The following SDK2 variants were observed in gnomAD, a reference collection of about 807,000 sequenced individuals.
SDK2 encodes protein sidekick-2.
SDK2 carries 105 observed loss-of-function variants against 253.9 expected under a neutral mutation model. The ratio of observed to expected loss-of-function variants is 0.41; its 90% CI spans 0.35 to 0.49. The LOEUF is 0.49. SDK2 is among the 20% of genes least tolerant of loss of function. The pLI is 0.06. For missense variants in SDK2, 2,608 were observed against 3,003.0 expected, an observed-to-expected ratio of 0.87 and a Z score of 3.07; for synonymous variants, 1,249 against 1,234.9, an observed-to-expected ratio of 1.01 and a Z score of -0.24.
Position 73,368,394 on chromosome 17 carries a change from C to T in SDK2, c.5167+13G>A, listed in dbSNP as rs372457326. ...CGACCTACCCCTCCCCTCCTCAGGG[C>T]CCCCTCTCCCACCTGCTTGCTGGGT... On this transcript the variant is annotated intron_variant, in intron 37 of 44. Transcript: ENST00000392650. The T allele has an allele frequency of 2.9e-5, 44 of 1,501,794 alleles. No homozygotes were observed. The African/African-American group carries it at 5.2e-4, about 18-fold the overall frequency. The allele number at this position is 1,501,794 out of a possible 1,614,324, so 93.0% of individuals were successfully genotyped here.
At chr17:73,394,771 C>T (rs1468645367) in intron 25 of SDK2, among the ~76,000 whole-genome samples, 2 of 152,166 alleles carry the variant, frequency 1.3e-5, no homozygotes, top group Non-Finnish European at 2.9e-5. Context: ...CAGGAGCTTC[C>T]GGTAGTGATT....
chr17:73,423,651 T>C, intron 13 of SDK2, 129 bp from the exon 14 acceptor site: 1 of 1,130,080 alleles, frequency 8.8e-7, no homozygotes, highest in Admixed American at 3.3e-5. Flanking sequence ...AATGTGGCCT[T>C]CGGGCCATCT....
In SDK2 at chr17:73,612,348, T is replaced by C. The variant is rs145814072; in HGVS notation, c.64+31677A>G. The stretch of plus-strand genomic sequence containing the variant: ...CGGGTCACTGTGACCCAGCTGCACC[T>C]GGGCTGCAGGCTGGCCCCGCACAGT... On this transcript the variant is annotated intron_variant, in intron 1 of 44. Transcript: ENST00000392650. The surrounding 1 kb of genome is among the most constrained non-coding windows in gnomAD (Gnocchi z 4.4). Among the ~76,000 whole-genome samples the C allele has an allele frequency of 4.4e-3, 665 of 150,300 alleles. 2 individuals carry two copies. Among genetic ancestry groups the C allele is most frequent in the African/African-American group, 0.015 (630 of 40,806 alleles).
rs565619716 is a variant in SDK2 at position 73,532,681 on chromosome 17, G to A, written c.65-25084C>T. ...AAGCCTGTTAATTAGGCCTGTAATG[G>A]CAGCTGCAAAGGGTACAACATTTCC... On this transcript the variant is annotated intron_variant, in intron 1 of 44. Coordinates refer to ENST00000392650, the MANE Select transcript of SDK2 (RefSeq NM_001144952.2). Among the ~76,000 whole-genome samples the A allele has an allele frequency of 4.6e-5, 7 of 152,322 alleles. 1 individual carries two copies. Among genetic ancestry groups the A allele is most frequent in the African/African-American group, 1.7e-4 (7 of 41,562 alleles).
intron 1 of SDK2, among the ~76,000 whole-genome samples, chr17:73,529,814 C>A (rs193103031): frequency 2.4e-4 from 37 of 152,300 alleles, no homozygotes; most frequent in African/African-American, 7.9e-4. Context: ...ACCCGCTGGG[C>A]TGACACCTTT....
intron 3 of SDK2, among the ~76,000 whole-genome samples, chr17:73,466,769 G>T (rs1185892080): frequency 6.9e-6 from 1 of 144,888 alleles, no homozygotes; most frequent in Non-Finnish European, 1.5e-5. Context: ...GGCTTCTTTG[G>T]GGGACAGTTC....
rs773150779 is a variant in SDK2 at position 73,414,779 on chromosome 17, G to A, written c.2369-20C>T. ...TGGGAACTAGAGGAGATGAGAGAACGGGGTGGGGTGGAGGGGGCCCAGTCA... is the reference window on the plus strand; with the variant it reads ...TGGGAACTAGAGGAGATGAGAGAACAGGGTGGGGTGGAGGGGGCCCAGTCA... On this transcript the variant is annotated intron_variant, in intron 17 of 44. Coordinates refer to ENST00000392650, the MANE Select transcript of SDK2 (RefSeq NM_001144952.2). The A allele has an allele frequency of 4.6e-6, 7 of 1,518,782 alleles. No homozygotes were observed. The highest frequency in any genetic ancestry group is 6.4e-6 in the Non-Finnish European group (7 of 1,093,906). 94.1% of individuals were successfully genotyped at this position (1,518,782 alleles called of 1,614,324 possible).
intron 1 of SDK2, among the ~76,000 whole-genome samples, chr17:73,610,013 C>T (rs1161165457): frequency 6.6e-6 from 1 of 152,184 alleles, no homozygotes; most frequent in Non-Finnish European, 1.5e-5. Flanking sequence ...GAAGCAGGGT[C>T]CCCCACAAAT....
At chr17:73,351,266 C>A (rs926851853) in intron 41 of SDK2, among the ~76,000 whole-genome samples, 6 of 152,116 alleles carry the variant, frequency 3.9e-5, no homozygotes, top group African/African-American at 1.4e-4. Flanking sequence ...CCTGCCACCA[C>A]ACCCGGCTAA....
intron 1 of SDK2, among the ~76,000 whole-genome samples, chr17:73,532,119 G>A (rs940657356): frequency 1.4e-4 from 21 of 152,206 alleles, no homozygotes; most frequent in South Asian, 4.1e-4. Context: ...GTTTTTGGTC[G>A]TCACAACTGG....
intron 39 of SDK2, among the ~76,000 whole-genome samples, chr17:73,358,986 G>T (rs1050991260): frequency 6.6e-6 from 1 of 152,122 alleles, no homozygotes; most frequent in Admixed American, 6.5e-5. Context: ...AGTGAGCCAG[G>T]TATCTGTCTG....
At chr17:73,442,632 C>T (rs545351476) in intron 5 of SDK2, among the ~76,000 whole-genome samples, 9 of 152,276 alleles carry the variant, frequency 5.9e-5, no homozygotes, top group East Asian at 1.9e-4. Flanking sequence ...TGAGCCACCA[C>T]GCCTGGCCAA....
chr17:73,543,003 C>T (rs2044894369), intron 1 of SDK2, among the ~76,000 whole-genome samples: 1 of 152,132 alleles, frequency 6.6e-6, no homozygotes, highest in Non-Finnish European at 1.5e-5. Context: ...AGTTCTAGGC[C>T]ACGCCCCCTC....
Position 73,384,009 on chromosome 17 carries a change from C to G in SDK2, c.4572G>C (p.Pro1524=). The G allele has an allele frequency of 6.2e-7, 1 of 1,613,372 alleles. No individual in the cohort carries two copies. The highest frequency in any genetic ancestry group is 8.5e-7 in the Non-Finnish European group (1 of 1,179,680). The change falls in exon 33 of 45, where the codon CCG becomes CCC. Residue 1524 remains proline (P), a splice_region_variant and synonymous_variant. Coordinates refer to ENST00000392650, the MANE Select transcript of SDK2 (RefSeq NM_001144952.2). ...TGCCATTGATCTTGTCCTCTGCTGG[C>G]GGCTGCAGGAAGGGAGTAGGGCATG... The part of the protein sequence containing the change: ...TTTSVLIRWQ[P]PAEDKINGIL...
chr17:73,477,999 A>G (rs1409881090), intron 2 of SDK2, among the ~76,000 whole-genome samples: 1 of 152,214 alleles, frequency 6.6e-6, no homozygotes, highest in Non-Finnish European at 1.5e-5. Context: ...TAGGAAATAT[A>G]TTCACAATTC....
chr17:73,409,466 T>TAAA (rs35846421), intron 18 of SDK2, among the ~76,000 whole-genome samples: 3,993 of 148,358 alleles, frequency 0.027, 127 homozygotes, highest in East Asian at 0.093. Context: ...GACTCTGTCT[T>TAAA]AAAAAAAAAA....
At chr17:73,553,040 T>TGCAGCGTCACGCTGC (rs1448354379) in intron 1 of SDK2, among the ~76,000 whole-genome samples, 1 of 152,216 alleles carries the variant, frequency 6.6e-6, no homozygotes, top group African/African-American at 2.4e-5. Flanking sequence ...GGCAGACGGC[T>TGCAGCGTCACGCTGC]GCAGCGTCAC....
Position 73,424,059 on chromosome 17 carries a change from G to A in SDK2, c.1617C>T (p.Gly539=). 1 of 1,612,810 alleles carries A rather than the reference G, an allele frequency of 6.2e-7. No homozygotes were observed. The highest frequency in any genetic ancestry group is 1.1e-5 in the South Asian group (1 of 90,862). Residue 539 remains glycine, a synonymous_variant, in exon 13 of 45, where the codon GGC becomes GGT. Coordinates refer to ENST00000392650, the MANE Select transcript of SDK2 (RefSeq NM_001144952.2). ...GGCGGATACGAGGATGGCTCTCCGTGCCCAGGGTGGCCCCGTCCTTCTCCC... is the reference window on the plus strand; with the variant it reads ...GGCGGATACGAGGATGGCTCTCCGTACCCAGGGTGGCCCCGTCCTTCTCCC... The part of the protein sequence containing the change: ...YIWEKDGATL[G]TESHPRIRLD...
chr17:73,422,684 C>G (rs750457808), intron 14 of SDK2, among the ~76,000 whole-genome samples: 18 of 152,078 alleles, frequency 1.2e-4, no homozygotes, highest in Non-Finnish European at 1.2e-4. Context: ...TTGTCTCCCC[C>G]ACTACCCCCC....
Sources: gnomAD v4.1 joint callset for allele counts (sites outside exome capture counted in the v4.1 genomes callset) on GRCh38, gnomAD v4.1.1 for gene constraint, Gnocchi (gnomAD v3.1) non-coding constraint, MANE v1.5 for transcripts, NCBI Gene and HGNC (gene_info 2026-07-23, HGNC 2026-07-21) for gene names.